MUC5B: variants seen among roughly 807,000 people sequenced by gnomAD.
MUC5B encodes mucin-5B.
MUC5B carries 116 observed loss-of-function variants against 376.9 expected under a neutral mutation model. That is an observed-to-expected ratio of 0.31 (90% CI 0.26 to 0.36). The LOEUF (loss-of-function observed/expected upper bound fraction) is 0.36, where lower values mean the gene tolerates loss of function less well. MUC5B is among the 10% of genes least tolerant of loss of function. The pLI is 1.00. For synonymous variants in MUC5B, 3,517 were observed against 3,390.9 expected, an observed-to-expected ratio of 1.04 and a Z score of -1.29; for missense variants, 7,165 against 7,769.9, an observed-to-expected ratio of 0.92 and a Z score of 2.93.
At position 1,247,956 on chromosome 11, in the gene MUC5B, C is replaced by T. The variant is rs372051084; in HGVS notation, c.11076C>T (p.Ile3692=). The part of the protein sequence containing the change: ...TPSSTPGTTW[I]LTKLTTTATT... The stretch of plus-strand genomic sequence containing the variant: ...CCTCAACTCCGGGGACGACCTGGAT[C>T]CTCACAAAGCTGACCACAACAGCCA... The change falls in exon 31 of 49, where the codon ATC becomes ATT. Residue 3692 remains isoleucine (I), a synonymous_variant. Transcript: ENST00000529681. 2.0e-4 allele frequency: 319 copies of T among 1,611,052 alleles called. 4 individuals are homozygous for T. The East Asian group carries it at 6.9e-3, about 35-fold the overall frequency.
chr11:1,231,459 T>C lies in MUC5B; in HGVS notation c.1577T>C (p.Ile526Thr). 1 of 1,612,120 alleles carries C rather than the reference T, an allele frequency of 6.2e-7. No homozygotes were observed. Among genetic ancestry groups the C allele is most frequent in the Non-Finnish European group, 8.5e-7 (1 of 1,179,592 alleles). Residue 526 changes from isoleucine to threonine, a missense_variant, in exon 14 of 49, where the codon ATC (isoleucine) becomes ACC (threonine). Physicochemically the swap from Ile to Thr is moderately conservative, Grantham distance 89. Transcript: ENST00000529681. ...ITLFTPSSFFIVVQTGLGLQL... is the reference protein window; with the variant it reads ...ITLFTPSSFFTVVQTGLGLQL... ...CTGTTCACACCCTCGAGCTTCTTCA[T>C]CGTGGTGCAGACAGGCCTGGGGCTG...
intron 28 of MUC5B, 25 bp from the exon 29 acceptor site, chr11:1,240,020 C>T (rs1445748520): frequency 6.3e-7 from 1 of 1,589,614 alleles, no homozygotes; most frequent in South Asian, 1.1e-5. Context: ...CCCAGGCCCT[C>T]AGCTCGCCTC....
rs563537111 is a variant in MUC5B at position 1,246,224 on chromosome 11, C to T, written c.9344C>T (p.Thr3115Met). 75 of 1,612,450 alleles carry T rather than the reference C, an allele frequency of 4.7e-5. 1 individual carries two copies. Among genetic ancestry groups the T allele is most frequent in the South Asian group, 4.4e-4 (40 of 90,998 alleles). Residue 3115 changes from threonine to methionine, a missense_variant, in exon 31 of 49, where the codon ACG becomes ATG. Thr to Met is a moderately conservative substitution (Grantham distance 81, BLOSUM62 -1). Around this residue, in one of 31 missense-constraint regions of MUC5B, gnomAD observed 939 missense variants for 770.6 expected, o/e 1.22. Transcript: ENST00000529681. ...ACAGTGCTGACCACGAAGGCCACCA[C>T]GACAAGGGCCACCAGTTCCATGTCC... The part of the protein sequence containing the change: ...TSTVLTTKAT[T>M]TRATSSMSTP...
chr11:1,233,935 C>T, intron 19 of MUC5B, 87 bp downstream of exon 19: 1 of 1,359,556 alleles, frequency 7.4e-7, no homozygotes, highest in Non-Finnish European at 1.0e-6. Context: ...CCCTGCCCCA[C>T]CCCACCTGAA....
In MUC5B at chr11:1,243,639, C is replaced by A. The variant is rs761121628; in HGVS notation, c.6759C>A (p.Ser2253=). 6.2e-7 allele frequency: 1 copy of A among 1,611,290 alleles called. No individual in the cohort carries two copies. The highest frequency in any genetic ancestry group is 8.5e-7 in the Non-Finnish European group (1 of 1,179,458). ...GTTQHSTPAL[S]SPHPSSRTTE... is the part of the protein sequence containing the mutation. The stretch of plus-strand genomic sequence containing the variant: ...CCCAGCACTCGACTCCAGCCCTTTC[C>A]AGCCCTCACCCTAGCAGCAGAACCA... Residue 2253 remains serine (S), a synonymous_variant, in exon 31 of 49, where the codon TCC becomes TCA. Transcript: ENST00000529681.
At position 1,254,802 on chromosome 11, in the gene MUC5B, A is replaced by G; in HGVS notation, c.15586A>G (p.Ser5196Gly). ...TGTGGACATTCCTGCCCTGGGCGTG[A>G]GCGTCACCTTCAATGGCCAAGTCTT... ...MRVDIPALGVSVTFNGQVFQA... is the reference protein window; with the variant it reads ...MRVDIPALGVGVTFNGQVFQA... The change falls in exon 35 of 49, where the codon AGC (serine) becomes GGC (glycine). Residue 5196 changes from serine (S) to glycine (G), a missense_variant. By Grantham distance (56) the Ser-to-Gly change is moderately conservative. Transcript: ENST00000529681. The G allele has an allele frequency of 6.2e-7, 1 of 1,612,746 alleles. No homozygotes were observed. Among genetic ancestry groups the G allele is most frequent in the Non-Finnish European group, 8.5e-7 (1 of 1,179,814 alleles).
In MUC5B at chr11:1,242,366, A is replaced by G. The variant is rs774402282; in HGVS notation, c.5486A>G (p.Glu1829Gly). The G allele has an allele frequency of 1.9e-6, 3 of 1,613,890 alleles. No individual in the cohort carries two copies. The highest frequency in any genetic ancestry group is 1.1e-5 in the South Asian group (1 of 91,080). Residue 1829 changes from glutamate to glycine, a missense_variant, in exon 31 of 49, where the codon GAG becomes GGG. Glu to Gly is a moderately conservative substitution (Grantham distance 98, BLOSUM62 -2). This residue lies in a region of MUC5B where 897 missense variants were observed against 779.6 expected (regional missense o/e 1.15). Coordinates refer to ENST00000529681, the MANE Select transcript of MUC5B (RefSeq NM_002458.3). ...GKMCWAPKSI[E>G]CRAENYPEVS... Reference sequence around the variant, plus strand: ...ATGTGCTGGGCACCAAAGAGCATAGAGTGCCGGGCGGAGAACTACCCCGAG... The same window carrying G: ...ATGTGCTGGGCACCAAAGAGCATAGGGTGCCGGGCGGAGAACTACCCCGAG...
In MUC5B at chr11:1,250,077, C is replaced by T; in HGVS notation, c.13197C>T (p.Ala4399=). The change falls in exon 31 of 49, where the codon GCC becomes GCT. Residue 4399 remains alanine, a synonymous_variant. Transcript: ENST00000529681. ...TWILTELTTA[A]TTTAATGPTA... ...TCCTCACAGAGCTGACCACAGCAGCCACTACAACTGCAGCCACTGGCCCCA... is the reference window on the plus strand; with the variant it reads ...TCCTCACAGAGCTGACCACAGCAGCTACTACAACTGCAGCCACTGGCCCCA... 3 of 1,595,390 alleles carry T rather than the reference C, an allele frequency of 1.9e-6. No homozygotes were observed. The highest frequency in any genetic ancestry group is 2.6e-6 in the Non-Finnish European group (3 of 1,169,830).
In MUC5B at chr11:1,243,341, G is replaced by A; in HGVS notation, c.6461G>A (p.Gly2154Glu). ...ACCACCAACCCCTCCTCAACTCCTGGGACAACTCCCATCCCCCCAGTGCTG... is the reference window on the plus strand; with the variant it reads ...ACCACCAACCCCTCCTCAACTCCTGAGACAACTCCCATCCCCCCAGTGCTG... ...GSTTNPSSTP[G>E]TTPIPPVLTT... The change falls in exon 31 of 49, where the codon GGG becomes GAG. Residue 2154 changes from glycine to glutamate, a missense_variant. Gly to Glu is a moderately conservative substitution (Grantham distance 98). Around this residue, in one of 31 missense-constraint regions of MUC5B, gnomAD observed 897 missense variants for 779.6 expected, o/e 1.15. Coordinates refer to ENST00000529681, the MANE Select transcript of MUC5B (RefSeq NM_002458.3). The A allele has an allele frequency of 6.4e-7, 1 of 1,556,984 alleles. No homozygotes were observed. Among genetic ancestry groups the A allele is most frequent in the Non-Finnish European group, 8.7e-7 (1 of 1,150,806 alleles).
Position 1,232,913 on chromosome 11 carries a change from T to C in MUC5B, c.2066-100T>C, listed in dbSNP as rs1862062286. 2.7e-6 allele frequency: 4 copies of C among 1,465,548 alleles called. No individual in the cohort carries two copies. In the Admixed American group the frequency reaches 9.2e-5, roughly 34 times the overall value. The allele number at this position is 1,465,548 out of a possible 1,614,324, so 90.8% of individuals were successfully genotyped here. On this transcript the variant is annotated intron_variant, in intron 17 of 48. Coordinates refer to ENST00000529681, the MANE Select transcript of MUC5B (RefSeq NM_002458.3). The stretch of plus-strand genomic sequence containing the variant: ...CCAGCCTCGCAAGAACCTCATGCCC[T>C]TGCGATCCCCACGTCACAGACGGGG...
At position 1,234,934 on chromosome 11, in the gene MUC5B, T is replaced by A; in HGVS notation, c.2631-151T>A. The A allele has an allele frequency of 8.4e-7, 1 of 1,186,114 alleles. No homozygotes were observed. Among genetic ancestry groups the A allele is most frequent in the East Asian group, 2.6e-5 (1 of 38,842 alleles). 73.5% of individuals were successfully genotyped at this position (1,186,114 alleles called of 1,614,324 possible). A position where few individuals can be genotyped will look rare whatever the true frequency, so the allele number is the denominator to read the frequency against. On this transcript the variant is annotated intron_variant, in intron 21 of 48. Coordinates refer to ENST00000529681, the MANE Select transcript of MUC5B (RefSeq NM_002458.3). The surrounding 1 kb of genome is among the most constrained non-coding windows in gnomAD (Gnocchi z 6.3). The stretch of plus-strand genomic sequence containing the variant: ...GGGGCTGCGTGCCCTGCATTCACAG[T>A]GGGGGACACCACTTCTTCCACGGAG...
At chr11:1,224,530 GCGGGGGAGGGGC>G (rs1861835043) in intron 1 of MUC5B, among the ~76,000 whole-genome samples, 1 of 145,392 alleles carries the variant, frequency 6.9e-6, no homozygotes, top group Non-Finnish European at 1.5e-5. Context: ...GCTGCCTGGG[GCGGGGGAGGGGC>G]TGTAGGGCCA....
At position 1,252,533 on chromosome 11, in the gene MUC5B, C is replaced by A; in HGVS notation, c.15045+9C>A. On this transcript the variant is annotated intron_variant, in intron 32 of 48. Transcript: ENST00000529681. Reference sequence around the variant, plus strand: ...CCATCCCTCTCCGGCAGGTGGGCCCCGCCTGCCCTCCACCTCCCGTGCTGC... The same window carrying A: ...CCATCCCTCTCCGGCAGGTGGGCCCAGCCTGCCCTCCACCTCCCGTGCTGC... 6.5e-7 allele frequency: 1 copy of A among 1,533,694 alleles called. No homozygotes were observed. The highest frequency in any genetic ancestry group is 2.3e-5 in the East Asian group (1 of 43,684).
chr11:1,257,999 C>A lies in MUC5B; in HGVS notation c.16451-100C>A. 8.1e-7 allele frequency: 1 copy of A among 1,234,064 alleles called. No homozygotes were observed. The highest frequency in any genetic ancestry group is 1.4e-5 in the South Asian group (1 of 70,892). 76.4% of individuals were successfully genotyped at this position (1,234,064 alleles called of 1,614,324 possible). The stretch of plus-strand genomic sequence containing the variant: ...GAGCCCCCAGGGGCTGTGAAGCGGT[C>A]AGGTCCTCGGGGAAAAGCACGCCTG... On this transcript the variant is annotated intron_variant, in intron 41 of 48. Transcript: ENST00000529681. This position sits in a 1 kb window ranked among gnomAD's most constrained non-coding sequence, Gnocchi z 8.9.
At position 1,251,299 on chromosome 11, in the gene MUC5B, G is replaced by T; in HGVS notation, c.14419G>T (p.Ala4807Ser). The T allele has an allele frequency of 6.2e-7, 1 of 1,611,464 alleles. No homozygotes were observed. Among genetic ancestry groups the T allele is most frequent in the Non-Finnish European group, 8.5e-7 (1 of 1,178,378 alleles). ...ATMTRATNSTATPSSTLGTTR... is the reference protein window; with the variant it reads ...ATMTRATNSTSTPSSTLGTTR... ...CATGACAAGGGCCACCAATTCCACG[G>T]CCACACCCTCCTCCACTCTGGGGAC... Residue 4807 changes from alanine to serine, a missense_variant, in exon 31 of 49, where the codon GCC (alanine) becomes TCC (serine). By Grantham distance (99) the Ala-to-Ser change is moderately conservative. Around this residue, in one of 31 missense-constraint regions of MUC5B, gnomAD observed 730 missense variants for 592.7 expected, o/e 1.23. Transcript: ENST00000529681.
chr11:1,224,354 G>A (rs1377202067), intron 1 of MUC5B, among the ~76,000 whole-genome samples: 4 of 152,056 alleles, frequency 2.6e-5, no homozygotes, highest in African/African-American at 9.7e-5. Context: ...GGGGTGGCTG[G>A]TGGTGGGCAC....
chr11:1,227,046 C>T lies in MUC5B; in HGVS notation c.477C>T (p.Tyr159=), dbSNP rs773401163. 12 of 1,611,178 alleles carry T rather than the reference C, an allele frequency of 7.4e-6. No homozygotes were observed. The highest frequency in any genetic ancestry group is 2.2e-5 in the East Asian group (1 of 44,850). The part of the protein sequence containing the change: ...LINGQREELP[Y]SRTGLLVEQS... The stretch of plus-strand genomic sequence containing the variant: ...GTCTGCGCAGGGAGGAGCTGCCTTA[C>T]AGCCGCACTGGCCTCCTGGTGGAGC... The change falls in exon 5 of 49, where the codon TAC becomes TAT. Residue 159 remains tyrosine (Y), a synonymous_variant. Transcript: ENST00000529681.
In MUC5B at chr11:1,246,199, A is replaced by C; in HGVS notation, c.9319A>C (p.Thr3107Pro). ...SSTPETTHTSTVLTTKATTTR... is the reference protein window; with the variant it reads ...SSTPETTHTSPVLTTKATTTR... ...CACTCCGGAGACCACCCACACCTCC[A>C]CAGTGCTGACCACGAAGGCCACCAC... The change falls in exon 31 of 49, where the codon ACA (threonine) becomes CCA (proline). Residue 3107 changes from threonine to proline, a missense_variant. By Grantham distance (38) the Thr-to-Pro change is conservative (BLOSUM62 -1). This residue lies in a region of MUC5B where 939 missense variants were observed against 770.6 expected (regional missense o/e 1.22). Coordinates refer to ENST00000529681, the MANE Select transcript of MUC5B (RefSeq NM_002458.3). The C allele has an allele frequency of 6.2e-7, 1 of 1,611,404 alleles. No homozygotes were observed. The highest frequency in any genetic ancestry group is 8.5e-7 in the Non-Finnish European group (1 of 1,179,342).
chr11:1,251,967 T>TCAGCCTCTGCCCTCTCCACTCCCTTCCC (rs1862713518), intron 31 of MUC5B, among the ~76,000 whole-genome samples: 1 of 151,932 alleles, frequency 6.6e-6, no homozygotes, highest in Non-Finnish European at 1.5e-5. Context: ...CTGGCCACAC[T>TCAGCCTCTGCCCTCTCCACTCCCTTCCC]TGGTCCCCAC....
Sources: gnomAD v4.1 joint callset for allele counts (sites outside exome capture counted in the v4.1 genomes callset) on GRCh38, gnomAD v4.1.1 for gene constraint, gnomAD v4.1.1 regional missense constraint, Gnocchi (gnomAD v3.1) non-coding constraint, MANE v1.5 for transcripts, NCBI Gene and HGNC (gene_info 2026-07-23, HGNC 2026-07-21) for gene names.